The following PPM1G variants were observed in gnomAD, a reference collection of about 807,000 sequenced individuals.
PPM1G encodes the protein protein phosphatase 1G.
A neutral mutation model predicts 59.4 loss-of-function variants in PPM1G; 12 were observed. The observed-to-expected ratio is 0.20, with a 90% confidence interval of 0.13 to 0.33. The LOEUF is 0.33. PPM1G is among the 10% of genes least tolerant of loss of function. The pLI, the probability that PPM1G is intolerant of heterozygous loss-of-function variation, is 1.00. For missense variants in PPM1G, 392 were observed against 681.3 expected (o/e 0.58, Z 4.73); for synonymous variants, 245 against 251.9 (o/e 0.97, Z 0.26).
rs770495182 is a variant in PPM1G, at chr2:27,392,853, C to T, written c.121-5695G>A. ...GGTATTCTGCCACGCCAGATTCGGGCGCTCCCATCTCGTGCATGTTGGTCA... is the reference window on the plus strand; with the variant it reads ...GGTATTCTGCCACGCCAGATTCGGGTGCTCCCATCTCGTGCATGTTGGTCA... On this transcript the variant is annotated intron_variant, in intron 1 of 9. Transcript: ENST00000344034. 8.6e-5 allele frequency: 126 copies of T among 1,471,466 alleles called. 3 individuals carry two copies. In the South Asian group the frequency reaches 1.2e-3, roughly 14 times the overall value. 91.2% of individuals were successfully genotyped at this position (1,471,466 alleles called of 1,614,324 possible).
chr2:27,400,803 G>A lies in PPM1G; in HGVS notation c.120+8500C>T, dbSNP rs780099. Among the ~76,000 whole-genome samples the A allele has an allele frequency of 5.1e-3, 778 of 152,214 alleles. 4 individuals are homozygous for A. The highest frequency in any genetic ancestry group is 0.018 in the African/African-American group (740 of 41,536). The stretch of plus-strand genomic sequence containing the variant: ...AAAGAAAACTAGCATCTCTTTCCTG[G>A]TTACACAGGCAACAGACTTGGTGAT... On this transcript the variant is annotated intron_variant, in intron 1 of 9. Transcript: ENST00000344034.
intron 1 of PPM1G, among the ~76,000 whole-genome samples, chr2:27,389,888 G>C (rs1414994617): frequency 6.6e-6 from 1 of 152,162 alleles, no homozygotes; most frequent in Non-Finnish European, 1.5e-5. Flanking sequence ...AGGACCACCT[G>C]AGCCCAGGAG....
In PPM1G at chr2:27,384,394, C is replaced by T. The variant is rs1436447810; in HGVS notation, c.825+279G>A. Among the ~76,000 whole-genome samples the T allele has an allele frequency of 1.3e-5, 2 of 152,136 alleles. No homozygotes were observed. The highest frequency in any genetic ancestry group is 4.8e-5 in the African/African-American group (2 of 41,422). On this transcript the variant is annotated intron_variant, in intron 5 of 9. Coordinates refer to ENST00000344034, the MANE Select transcript of PPM1G (RefSeq NM_177983.3). The surrounding 1 kb of genome is among the most constrained non-coding windows in gnomAD (Gnocchi z 4.8). ...TCCAGAGAAGAAAACAGTCAACTAG[C>T]CAAGGTAACAACTATCTCCTTGTTC...
chr2:27,396,829 A>AAAAAAAG (rs1197725842), intron 1 of PPM1G, among the ~76,000 whole-genome samples: 29 of 151,622 alleles, frequency 1.9e-4, no homozygotes, highest in Admixed American at 3.9e-4. Context: ...CAAAAAAAAA[A>AAAAAAAG]AAAGAAAAGA....
Position 27,385,659 on chromosome 2 carries a change from A to G in PPM1G, c.409+88T>C. On this transcript the variant is annotated intron_variant, in intron 4 of 9. Transcript: ENST00000344034. This position sits in a 1 kb window ranked among gnomAD's most constrained non-coding sequence, Gnocchi z 4.1. ...ATAAGGACTCCCCAGGTCCCTAGAA[A>G]GCCATCCTATCTTAGAATTGATAAG... 1 of 1,517,248 alleles carries G rather than the reference A, an allele frequency of 6.6e-7. No homozygotes were observed. The highest frequency in any genetic ancestry group is 8.8e-7 in the Non-Finnish European group (1 of 1,132,318). The allele number at this position is 1,517,248 out of a possible 1,614,324, so 94.0% of individuals were successfully genotyped here. A position where few individuals can be genotyped will look rare whatever the true frequency, so the allele number is the denominator to read the frequency against.
At position 27,384,898 on chromosome 2, in the gene PPM1G, A is replaced by T; in HGVS notation, c.600T>A (p.Pro200=). 1 of 1,614,196 alleles carries T rather than the reference A, an allele frequency of 6.2e-7. No individual in the cohort carries two copies. Among genetic ancestry groups the T allele is most frequent in the South Asian group, 1.1e-5 (1 of 91,080 alleles). ...TGGCTGTGGGGCCATTTTCTTGTGA[A>T]GGAGTTTCCCTAGTTGAGTCCTCAG... ...AGPEDSTRET[P]SQENGPTAKA... is the part of the protein sequence containing the mutation. The change falls in exon 5 of 10, where the codon CCT becomes CCA. Residue 200 remains proline (P), a synonymous_variant. Transcript: ENST00000344034. This position sits in a 1 kb window ranked among gnomAD's most constrained non-coding sequence, Gnocchi z 4.8.
intron 1 of PPM1G, among the ~76,000 whole-genome samples, chr2:27,393,807 G>C (rs1225151104): frequency 1.3e-5 from 2 of 151,964 alleles, no homozygotes; most frequent in African/African-American, 2.4e-5. Flanking sequence ...CTGTCGTCCA[G>C]GCTGGACTGA....
At chr2:27,381,855 A>G (rs1683638941) in intron 9 of PPM1G, 50 bp from the exon 10 acceptor site, 6 of 1,566,100 alleles carry the variant, frequency 3.8e-6, no homozygotes, top group Non-Finnish European at 3.5e-6. Context: ...ACACCTTGCC[A>G]GGAATCTACA....
At chr2:27,386,022 G>A (rs1490008392) in intron 3 of PPM1G, 143 bp from the exon 4 acceptor site, 5 of 1,273,626 alleles carry the variant, frequency 3.9e-6, no homozygotes, top group Non-Finnish European at 4.3e-6. Flanking sequence ...AGAGGCCTAG[G>A]AATAATAAGG....
rs755345479 is a variant in PPM1G at position 27,383,637 on chromosome 2, G to C, written c.967-37C>G. 1 of 1,554,544 alleles carries C rather than the reference G, an allele frequency of 6.4e-7. No homozygotes were observed. The highest frequency in any genetic ancestry group is 8.8e-7 in the Non-Finnish European group (1 of 1,142,118). On this transcript the variant is annotated intron_variant, in intron 6 of 9. Transcript: ENST00000344034. The surrounding 1 kb of genome is among the most constrained non-coding windows in gnomAD (Gnocchi z 5.0). ...GAAAAGGAGCATCATGGGGGCTTCT[G>C]AACATGCGTTCCTCACTGATGTGCT...
chr2:27,401,594 G>C (rs565352258), intron 1 of PPM1G, among the ~76,000 whole-genome samples: 1 of 152,180 alleles, frequency 6.6e-6, no homozygotes, highest in Non-Finnish European at 1.5e-5. Context: ...GGGAGGCTGA[G>C]GCAGGCAGAT....
In PPM1G at chr2:27,409,393, C is replaced by T. The variant is rs1333600714; in HGVS notation, c.30G>A (p.Thr10=). 2 of 1,538,036 alleles carry T rather than the reference C, an allele frequency of 1.3e-6. No individual in the cohort carries two copies. The highest frequency in any genetic ancestry group is 1.7e-4 in the Middle Eastern group (1 of 5,798). Residue 10 remains threonine, a synonymous_variant, in exon 1 of 10, where the codon ACG becomes ACA. Transcript: ENST00000344034. The part of the protein sequence containing the change: MGAYLSQPN[T]VKCSGDGVGA... ...CGACCCCGTCCCCGGAGCACTTCAC[C>T]GTGTTGGGCTGGGAGAGGTAGGCAC...
Position 27,382,044 on chromosome 2 carries a change from G to A in PPM1G, c.1434+82C>T. On this transcript the variant is annotated intron_variant, in intron 9 of 9. Transcript: ENST00000344034. The surrounding 1 kb of genome is among the most constrained non-coding windows in gnomAD (Gnocchi z 4.2). ...TCAGCAATTACTGATAATGCTCCCAGATTGCCGACTTAGCTCAGATTAAAA... is the reference window on the plus strand; with the variant it reads ...TCAGCAATTACTGATAATGCTCCCAAATTGCCGACTTAGCTCAGATTAAAA... 2.2e-6 allele frequency: 3 copies of A among 1,375,704 alleles called. No homozygotes were observed. The highest frequency in any genetic ancestry group is 3.1e-6 in the Non-Finnish European group (3 of 970,254). 85.2% of individuals were successfully genotyped at this position (1,375,704 alleles called of 1,614,324 possible).
intron 1 of PPM1G, among the ~76,000 whole-genome samples, chr2:27,396,895 G>A (rs1684066208): frequency 1.3e-5 from 2 of 151,612 alleles, no homozygotes; most frequent in South Asian, 4.2e-4. Flanking sequence ...TTGAAACAGA[G>A]TTTTGCTCTT....
intron 2 of PPM1G, 109 bp downstream of exon 2, chr2:27,386,980 T>A (rs1363495020): frequency 6.2e-6 from 5 of 809,596 alleles, no homozygotes; most frequent in African/African-American, 1.7e-5. Context: ...CAGGAAATGA[T>A]AATGAGGGCC....
rs1162681747 is a variant in PPM1G at position 27,386,245 on chromosome 2, A to T, written c.225T>A (p.Leu75=). The part of the protein sequence containing the change: ...EEVALYCAKY[L]PDIIKDQKAY... ...CCTTCTGATCTTTGATGATATCAGG[A>T]AGATATTTGGCACAGTACAAGGCAA... The change falls in exon 3 of 10, where the codon CTT becomes CTA. Residue 75 remains leucine (L), a synonymous_variant. Transcript: ENST00000344034. The T allele has an allele frequency of 1.2e-6, 2 of 1,613,946 alleles. No homozygotes were observed. Among genetic ancestry groups the T allele is most frequent in the Non-Finnish European group, 1.7e-6 (2 of 1,179,880 alleles).
In PPM1G at chr2:27,382,092, C is replaced by G. The variant is rs1443722874; in HGVS notation, c.1434+34G>C. On this transcript the variant is annotated intron_variant, in intron 9 of 9. Transcript: ENST00000344034. This position sits in a 1 kb window ranked among gnomAD's most constrained non-coding sequence, Gnocchi z 4.2. The stretch of plus-strand genomic sequence containing the variant: ...AAAGAGTGAACCCTGGCTGTGCAGA[C>G]CAGACACCCTCTCTTCTCCACCCTG... 1.3e-6 allele frequency: 2 copies of G among 1,586,462 alleles called. No homozygotes were observed. The highest frequency in any genetic ancestry group is 1.3e-5 in the African/African-American group (1 of 74,270).
rs113433725 is a variant in PPM1G at position 27,403,409 on chromosome 2, G to C, written c.120+5894C>G. Among the ~76,000 whole-genome samples, 581 of 151,192 alleles carry C rather than the reference G, an allele frequency of 3.8e-3. 6 individuals carry two copies. Among genetic ancestry groups the C allele is most frequent in the African/African-American group, 0.013 (550 of 41,192 alleles). The stretch of plus-strand genomic sequence containing the variant: ...TGCAGTGAGCCGAGATGGCACCATT[G>C]CACTCCAGCCTGGGCAACAAGAGCA... On this transcript the variant is annotated intron_variant, in intron 1 of 9. Transcript: ENST00000344034.
chr2:27,399,879 G>A (rs1176959453), intron 1 of PPM1G, among the ~76,000 whole-genome samples: 1 of 149,150 alleles, frequency 6.7e-6, no homozygotes, highest in African/African-American at 2.5e-5. Context: ...CCACTCTTTG[G>A]TATATAACCA....
Sources: gnomAD v4.1 joint callset for allele counts (sites outside exome capture counted in the v4.1 genomes callset) on GRCh38, gnomAD v4.1.1 for gene constraint, Gnocchi (gnomAD v3.1) non-coding constraint, MANE v1.5 for transcripts, NCBI Gene and HGNC (gene_info 2026-07-23, HGNC 2026-07-21) for gene names.